DPH6: variants seen among roughly 807,000 people sequenced by gnomAD.
DPH6 encodes the protein diphthamine biosynthesis 6, also known as diphthine--ammonia ligase.
DPH6 carries 33 observed loss-of-function variants against 38.2 expected under a neutral mutation model. That is an observed-to-expected ratio of 0.86 (90% CI 0.65 to 1.15). DPH6 has a LOEUF of 1.15. Among genes scored for constraint, DPH6 ranks in the 50% most tolerant of loss-of-function variants. The probability of loss-of-function intolerance (pLI) is 0.00; values close to 1 mark genes in which losing one functional copy is unlikely to be tolerated. For synonymous variants in DPH6, 108 were observed against 103.0 expected (o/e 1.05, Z -0.30); for missense variants, 325 against 320.0 (o/e 1.02, Z -0.12).
chr15:35,244,778 TTAA>T (rs1371058081), intron 3 of DPH6, among the ~76,000 whole-genome samples: 4 of 152,192 alleles, frequency 2.6e-5, no homozygotes, highest in Admixed American at 2.0e-4. Context: ...TTACACATTA[TTAA>T]TAATACCAGG....
chr15:35,320,465 C>T (rs2052230424), intron 3 of DPH6, among the ~76,000 whole-genome samples: 1 of 152,134 alleles, frequency 6.6e-6, no homozygotes, highest in Non-Finnish European at 1.5e-5. Context: ...TTGGGAATCT[C>T]CCACATCAGA....
chr15:35,316,586 A>T (rs1027577259), intron 3 of DPH6, among the ~76,000 whole-genome samples: 1 of 152,232 alleles, frequency 6.6e-6, no homozygotes, highest in Non-Finnish European at 1.5e-5. Context: ...AGTAAAAAGA[A>T]TGGAAATACT....
intron 3 of DPH6, among the ~76,000 whole-genome samples, chr15:35,515,899 T>TC (rs1451562617): frequency 6.6e-6 from 1 of 152,020 alleles, no homozygotes; most frequent in Non-Finnish European, 1.5e-5. Flanking sequence ...CCTTGTTTTC[T>TC]CATACAAACT....
At chr15:35,436,489 C>CAAACAA in intron 5 of DPH6, among the ~76,000 whole-genome samples, 1 of 16,678 alleles carries the variant, frequency 6.0e-5, no homozygotes, top group Admixed American at 7.2e-4. Context: ...AAAAACAAAA[C>CAAACAA]AAAACAAAAC....
At chr15:35,223,202 C>A (rs556285969) in intron 3 of DPH6, among the ~76,000 whole-genome samples, 1 of 152,202 alleles carries the variant, frequency 6.6e-6, no homozygotes, top group African/African-American at 2.4e-5. Flanking sequence ...GGCCTTCTTG[C>A]TGCATCATGC....
Position 35,372,216 on chromosome 15 carries a change from G to T in DPH6, c.751-13C>A. 1 of 1,467,598 alleles carries T rather than the reference G, an allele frequency of 6.8e-7. No homozygotes were observed. The highest frequency in any genetic ancestry group is 1.5e-5 in the South Asian group (1 of 68,320). The allele number at this position is 1,467,598 out of a possible 1,614,324, so 90.9% of individuals were successfully genotyped here. A position where few individuals can be genotyped will look rare whatever the true frequency, so the allele number is the denominator to read the frequency against. On this transcript the variant is annotated splice_polypyrimidine_tract_variant and intron_variant, in intron 8 of 8. Transcript: ENST00000256538. ...GCACTGAGGACACCTAAAAAAAAAAGGGAAGGAAAGGGAAGGAAAATGCAC... is the reference window on the plus strand; with the variant it reads ...GCACTGAGGACACCTAAAAAAAAAATGGAAGGAAAGGGAAGGAAAATGCAC...
chr15:35,146,672 A>G, the DPH6 span, among the ~76,000 whole-genome samples: 2 of 152,198 alleles, frequency 1.3e-5, no homozygotes, highest in Admixed American at 6.5e-5. Flanking sequence ...AAGTAGCAGT[A>G]ATGGTACTAC....
At chr15:35,472,601 CA>C (rs35002371) in intron 3 of DPH6, among the ~76,000 whole-genome samples, 2 of 151,914 alleles carry the variant, frequency 1.3e-5, no homozygotes, top group Admixed American at 6.6e-5. Context: ...AGTATGAAGG[CA>C]AAAAGGTGGC....
chr15:35,236,566 G>A (rs2051553056), intron 3 of DPH6, among the ~76,000 whole-genome samples: 1 of 151,894 alleles, frequency 6.6e-6, no homozygotes, highest in Non-Finnish European at 1.5e-5. Context: ...GTGAACCTGG[G>A]AGGTGGAGCT....
chr15:35,221,870 T>C (rs527879254), intron 3 of DPH6, among the ~76,000 whole-genome samples: 1 of 152,326 alleles, frequency 6.6e-6, no homozygotes, highest in Non-Finnish European at 1.5e-5. Flanking sequence ...TTTTACTATG[T>C]GCAGTTGAAA....
At chr15:35,397,056 G>A (rs1487138179) in intron 6 of DPH6, among the ~76,000 whole-genome samples, 2 of 152,222 alleles carry the variant, frequency 1.3e-5, no homozygotes, top group African/African-American at 4.8e-5. Context: ...AATCTTTTAT[G>A]AGGTAGGGAA....
chr15:35,285,282 C>T (rs1346605010), intron 3 of DPH6, among the ~76,000 whole-genome samples: 1 of 152,162 alleles, frequency 6.6e-6, no homozygotes, highest in Non-Finnish European at 1.5e-5. Flanking sequence ...GCTGTGTCCC[C>T]ACCCAAATCT....
intron 3 of DPH6, among the ~76,000 whole-genome samples, chr15:35,482,660 G>C (rs1211371848): frequency 6.6e-6 from 1 of 152,120 alleles, no homozygotes; most frequent in Non-Finnish European, 1.5e-5. Context: ...TGAGTATTCA[G>C]ATGCAAAATG....
In DPH6 at chr15:35,409,734, T is replaced by C. The variant is rs1201163354; in HGVS notation, c.567+1101A>G. Among the ~76,000 whole-genome samples the C allele has an allele frequency of 2.0e-5, 3 of 152,028 alleles. No homozygotes were observed. The East Asian group carries it at 5.8e-4, about 29-fold the overall frequency. On this transcript the variant is annotated intron_variant, in intron 6 of 8. Coordinates refer to ENST00000256538, the MANE Select transcript of DPH6 (RefSeq NM_080650.4). ...AATGGAGCTACAGAACAAATCACTG[T>C]GAGAAAAGTCCTATCACATAAGCAT...
chr15:35,502,600 T>C (rs995637083), intron 3 of DPH6, among the ~76,000 whole-genome samples: 2 of 151,924 alleles, frequency 1.3e-5, no homozygotes, highest in Non-Finnish European at 2.9e-5. Context: ...AGATTATTCT[T>C]AATAATTAAA....
Position 35,457,965 on chromosome 15 carries a change from C to A in DPH6, c.313-3145G>T, listed in dbSNP as rs1206611328. 2.0e-5 allele frequency among the ~76,000 whole-genome samples: 3 copies of A among 152,134 alleles called. No individual in the cohort carries two copies. In the South Asian group the frequency reaches 6.2e-4, roughly 32 times the overall value. ...CCAGAAATCCCCCTCAAATCAAAATCCACAGATTCTCAAGTCCATTAATAT... is the reference window on the plus strand; with the variant it reads ...CCAGAAATCCCCCTCAAATCAAAATACACAGATTCTCAAGTCCATTAATAT... On this transcript the variant is annotated intron_variant, in intron 3 of 8. Transcript: ENST00000256538.
At chr15:35,524,748 TA>T (rs2054973710) in intron 3 of DPH6, among the ~76,000 whole-genome samples, 1 of 152,182 alleles carries the variant, frequency 6.6e-6, no homozygotes, top group Non-Finnish European at 1.5e-5. Context: ...ATTGCAATTA[TA>T]ATTACAATAA....
At chr15:35,542,960 AT>A (rs1595458018) in intron 1 of DPH6, among the ~76,000 whole-genome samples, 5 of 121,964 alleles carry the variant, frequency 4.1e-5, no homozygotes, top group South Asian at 2.9e-4. Context: ...ATATATATAT[AT>A]ATATAAAATA....
intron 6 of DPH6, among the ~76,000 whole-genome samples, chr15:35,397,625 G>T (rs1234865694): frequency 1.3e-5 from 2 of 152,054 alleles, no homozygotes; most frequent in African/African-American, 2.4e-5. Flanking sequence ...ATAACCAAAA[G>T]GGTAAGGAGC....
Sources: gnomAD v4.1 joint callset for allele counts (sites outside exome capture counted in the v4.1 genomes callset) on GRCh38, gnomAD v4.1.1 for gene constraint, MANE v1.5 for transcripts, NCBI Gene and HGNC (gene_info 2026-07-23, HGNC 2026-07-21) for gene names.